CCBE1: variants seen among roughly 807,000 people sequenced by gnomAD.
CCBE1 encodes the protein collagen and calcium binding EGF domains 1.
CCBE1 carries 37 observed loss-of-function variants against 50.0 expected under a neutral mutation model. That is an observed-to-expected ratio of 0.74 (90% CI 0.57 to 0.97). The LOEUF is 0.97. Among genes scored for constraint, CCBE1 ranks in the 50% least tolerant of loss-of-function variants. The pLI is 0.00. For missense variants in CCBE1, 538 were observed against 523.8 expected (o/e 1.03, Z -0.26); for synonymous variants, 234 against 203.7 (o/e 1.15, Z -1.27).
At chr18:59,573,284 A>AATATAT (rs71336346) in intron 2 of CCBE1, among the ~76,000 whole-genome samples, 10,223 of 93,424 alleles carry the variant, frequency 0.11, 1,339 homozygotes, top group South Asian at 0.17. Context: ...GACTCCGTCT[A>AATATAT]ATATATATAT....
At chr18:59,514,877 G>C (rs1001709973) in intron 2 of CCBE1, among the ~76,000 whole-genome samples, 5 of 151,874 alleles carry the variant, frequency 3.3e-5, no homozygotes, top group Non-Finnish European at 7.4e-5. Context: ...CTATAATTCC[G>C]ATTTCTGAGT....
intron 7 of CCBE1, among the ~76,000 whole-genome samples, chr18:59,446,527 C>T (rs1397782301): frequency 2.0e-5 from 3 of 152,198 alleles, no homozygotes; most frequent in Non-Finnish European, 2.9e-5. Context: ...AATCCTGAAT[C>T]GTCTTATTCT....
At chr18:59,577,167 A>G (rs924388339) in intron 2 of CCBE1, among the ~76,000 whole-genome samples, 1 of 152,192 alleles carries the variant, frequency 6.6e-6, no homozygotes, top group Non-Finnish European at 1.5e-5. Flanking sequence ...GAAAATAGGA[A>G]AGGGATGGCG....
At chr18:59,624,332 T>A (rs1223551056) in intron 2 of CCBE1, among the ~76,000 whole-genome samples, 1 of 152,122 alleles carries the variant, frequency 6.6e-6, no homozygotes, top group Non-Finnish European at 1.5e-5. Flanking sequence ...CTGCTGCAAA[T>A]GCAAGGGCAT....
chr18:59,697,453 A>C, upstream of CCBE1: 1 of 1,424,456 alleles, frequency 7.0e-7, no homozygotes, highest in Non-Finnish European at 9.3e-7. Flanking sequence ...GCCGGAGAGC[A>C]GGGGCGTTTG....
chr18:59,518,411 A>G (rs1039334761), intron 2 of CCBE1, among the ~76,000 whole-genome samples: 2 of 152,208 alleles, frequency 1.3e-5, no homozygotes, highest in African/African-American at 4.8e-5. Flanking sequence ...GGATCACTTG[A>G]ACTTGGGAGG....
chr18:59,568,636 C>A (rs754524266), intron 2 of CCBE1: 2 of 152,180 alleles, frequency 1.3e-5, no homozygotes, highest in African/African-American at 2.4e-5. Flanking sequence ...GCTCAGTTCA[C>A]CTGCGCAGAC....
chr18:59,670,258 A>T (rs1366336774), intron 2 of CCBE1, among the ~76,000 whole-genome samples: 3 of 152,144 alleles, frequency 2.0e-5, no homozygotes, highest in Non-Finnish European at 4.4e-5. Context: ...TTTCATTACA[A>T]TTTTTTTATC....
chr18:59,519,584 T>C (rs1332106137), intron 2 of CCBE1, among the ~76,000 whole-genome samples: 1 of 152,254 alleles, frequency 6.6e-6, no homozygotes, highest in Non-Finnish European at 1.5e-5. Context: ...CTTTGTCAGA[T>C]GAATAGATTG....
intron 2 of CCBE1, among the ~76,000 whole-genome samples, chr18:59,523,569 C>T (rs1374282846): frequency 1.3e-5 from 2 of 152,128 alleles, no homozygotes; most frequent in Admixed American, 6.5e-5. Flanking sequence ...TAGCAGCTAT[C>T]ATTCTATTAT....
rs527363281 is a variant in CCBE1, at chr18:59,645,019, GC to G, written c.212+51609del. 3.3e-4 allele frequency among the ~76,000 whole-genome samples: 51 copies of G among 152,310 alleles called. No individual in the cohort carries two copies. The South Asian group carries it at 9.5e-3, about 28-fold the overall frequency. The stretch of plus-strand genomic sequence containing the variant: ...ACCTGTAATCCCAGCACTTTGGGAG[GC>G]CGAGGTGGGCGGATCACGAGGTCAG... On this transcript the variant is annotated intron_variant, in intron 2 of 10. Transcript: ENST00000439986.
At chr18:59,564,225 C>G (rs777111029) in intron 2 of CCBE1, among the ~76,000 whole-genome samples, 1 of 152,202 alleles carries the variant, frequency 6.6e-6, no homozygotes, top group Non-Finnish European at 1.5e-5. Context: ...ACACAAAATT[C>G]ATATTTTATA....
chr18:59,697,401 C>A lies in CCBE1; in HGVS notation c.-59G>T. ...CTCCGTCCGGACCAAGCGTCCTGCTCCTCCGCGGCCGCCGCCGCCTTCCCT... is the reference window on the plus strand; with the variant it reads ...CTCCGTCCGGACCAAGCGTCCTGCTACTCCGCGGCCGCCGCCGCCTTCCCT... On this transcript the variant is annotated 5_prime_UTR_variant, in exon 1 of 11. Coordinates refer to ENST00000439986, the MANE Select transcript of CCBE1 (RefSeq NM_133459.4). The A allele has an allele frequency of 6.6e-7, 1 of 1,515,552 alleles. No individual in the cohort carries two copies. Among genetic ancestry groups the A allele is most frequent in the South Asian group, 1.2e-5 (1 of 81,538 alleles). 93.9% of individuals were successfully genotyped at this position (1,515,552 alleles called of 1,614,324 possible). A position where few individuals can be genotyped will look rare whatever the true frequency, so the allele number is the denominator to read the frequency against.
chr18:59,633,488 T>A (rs1438920393), intron 2 of CCBE1, among the ~76,000 whole-genome samples: 1 of 152,252 alleles, frequency 6.6e-6, no homozygotes. Flanking sequence ...CCTCTTGCTA[T>A]TGCGCTCGGG....
At chr18:59,665,652 A>G (rs1320135338) in intron 2 of CCBE1, among the ~76,000 whole-genome samples, 1 of 152,212 alleles carries the variant, frequency 6.6e-6, no homozygotes, top group African/African-American at 2.4e-5. Context: ...AAAGCAAAGT[A>G]AAAGCCTCTA....
intron 2 of CCBE1, among the ~76,000 whole-genome samples, chr18:59,582,297 C>G (rs1172155279): frequency 1.3e-5 from 2 of 152,166 alleles, no homozygotes; most frequent in Non-Finnish European, 2.9e-5. Context: ...AAAGAGAAAA[C>G]TGCATGGTGA....
intron 7 of CCBE1, among the ~76,000 whole-genome samples, chr18:59,443,543 T>C (rs1910537771): frequency 6.6e-6 from 1 of 151,886 alleles, no homozygotes; most frequent in Non-Finnish European, 1.5e-5. Context: ...CTCGTCTCAC[T>C]GCAACCTCCG....
intron 2 of CCBE1, among the ~76,000 whole-genome samples, chr18:59,676,941 C>T (rs771768165): frequency 2.0e-5 from 3 of 152,120 alleles, no homozygotes; most frequent in African/African-American, 4.8e-5. Context: ...AGAAATGAAA[C>T]GACTGAGCTC....
chr18:59,467,387 A>G (rs1368710634), intron 4 of CCBE1, among the ~76,000 whole-genome samples: 1 of 152,176 alleles, frequency 6.6e-6, no homozygotes, highest in Non-Finnish European at 1.5e-5. Context: ...TCACTTAGGA[A>G]TGGCTCCTTC....
Sources: allele counts gnomAD v4.1 joint callset (sites outside exome capture counted in the v4.1 genomes callset), GRCh38; gene constraint gnomAD v4.1.1; transcripts MANE v1.5; gene names NCBI Gene and HGNC (gene_info 2026-07-23, HGNC 2026-07-21).